GTF2H1: variants seen among roughly 807,000 people sequenced by gnomAD.
GTF2H1 encodes general transcription factor IIH subunit 1, also known as BTF2 p62.
A neutral mutation model predicts 71.2 loss-of-function variants in GTF2H1; 16 were observed. The observed-to-expected ratio is 0.22, with a 90% CI of 0.15 to 0.34. The LOEUF is 0.34. Among genes scored for constraint, GTF2H1 ranks in the 10% least tolerant of loss-of-function variants. The probability of loss-of-function intolerance (pLI) is 1.00; values close to 1 mark genes in which losing one functional copy is unlikely to be tolerated. For synonymous variants in GTF2H1, 215 were observed against 219.0 expected (o/e 0.98, Z 0.16); for missense variants, 498 against 648.2 (o/e 0.77, Z 2.52).
At chr11:18,338,424 A>G (rs1419020844) in intron 4 of GTF2H1, 150 bp downstream of exon 4, 3 of 592,754 alleles carry the variant, frequency 5.1e-6, no homozygotes, top group Non-Finnish European at 8.9e-6. Flanking sequence ...CTATTATTGA[A>G]CTATTATTAT....
At chr11:18,333,369 A>C in intron 2 of GTF2H1, 141 bp downstream of exon 2, 1 of 598,478 alleles carries the variant, frequency 1.7e-6, no homozygotes, top group Non-Finnish European at 2.8e-6. Flanking sequence ...CTGAATATAT[A>C]CTGTTTTATA....
At chr11:18,339,391 C>T (rs1309518976) in intron 4 of GTF2H1, among the ~76,000 whole-genome samples, 173 bp from the exon 5 acceptor site, 1 of 152,176 alleles carries the variant, frequency 6.6e-6, no homozygotes, top group Non-Finnish European at 1.5e-5. Flanking sequence ...CGTGAGAAAC[C>T]AGTCAGGCTT....
chr11:18,363,168 T>C lies in GTF2H1; in HGVS notation c.1560+2461T>C. Among the ~76,000 whole-genome samples the C allele has an allele frequency of 1.3e-5, 2 of 152,098 alleles. 1 individual carries two copies. ...CATCTCCTGTGAAACAATACCTTCTTCTGGAATACCTCCTGAAGGACCTGC... is the reference window on the plus strand; with the variant it reads ...CATCTCCTGTGAAACAATACCTTCTCCTGGAATACCTCCTGAAGGACCTGC... On this transcript the variant is annotated intron_variant, in intron 14 of 14. Transcript: ENST00000265963.
chr11:18,342,877 A>C (rs912552250), intron 7 of GTF2H1, among the ~76,000 whole-genome samples: 1 of 152,096 alleles, frequency 6.6e-6, no homozygotes, highest in East Asian at 1.9e-4. Context: ...TTAGATTCTG[A>C]TATCTTCTAA....
At chr11:18,357,651 C>T (rs1299095451) in intron 11 of GTF2H1, among the ~76,000 whole-genome samples, 1 of 152,108 alleles carries the variant, frequency 6.6e-6, no homozygotes, top group African/African-American at 2.4e-5. Flanking sequence ...GGTAAGAGTT[C>T]TCATATTAAA....
At chr11:18,327,104 T>C (rs1864785571) in intron 1 of GTF2H1, among the ~76,000 whole-genome samples, 1 of 152,150 alleles carries the variant, frequency 6.6e-6, no homozygotes, top group African/African-American at 2.4e-5. Context: ...TTGTAAAGAA[T>C]ACTAGAAAAT....
chr11:18,366,698 G>A lies in GTF2H1; in HGVS notation c.*829G>A, dbSNP rs564361022. 2 of 152,422 alleles carry A rather than the reference G, an allele frequency of 1.3e-5. No individual in the cohort carries two copies. The highest frequency in any genetic ancestry group is 6.6e-5 in the Admixed American group (1 of 15,212). The allele number at this position is 152,422 out of a possible 1,614,324, so 9.4% of individuals were successfully genotyped here. On this transcript the variant is annotated 3_prime_UTR_variant, in exon 15 of 15. Transcript: ENST00000265963. ...ACATTGCTAAGATTTTTTTAAGATG[G>A]CATGTGCTTTGAAAAGAAGATATTG...
chr11:18,344,397 T>G (rs2133971374), intron 7 of GTF2H1, among the ~76,000 whole-genome samples: 1 of 152,106 alleles, frequency 6.6e-6, no homozygotes, highest in East Asian at 1.9e-4. Flanking sequence ...GGTGGGTGGA[T>G]CACCTGAGGT....
At chr11:18,324,871 T>C (rs1312007015) in intron 1 of GTF2H1, among the ~76,000 whole-genome samples, 1 of 152,240 alleles carries the variant, frequency 6.6e-6, no homozygotes, top group Non-Finnish European at 1.5e-5. Context: ...TCCTCCTGCC[T>C]CTTCCCTGCA....
At chr11:18,349,433 A>C (rs1865377220) in intron 9 of GTF2H1, among the ~76,000 whole-genome samples, 1 of 152,212 alleles carries the variant, frequency 6.6e-6, no homozygotes, top group African/African-American at 2.4e-5. Context: ...CTGTAGTCCC[A>C]GCACTTTGGG....
At chr11:18,335,413 G>A (rs1865002219) in intron 2 of GTF2H1, among the ~76,000 whole-genome samples, 3 of 152,170 alleles carry the variant, frequency 2.0e-5, no homozygotes, top group South Asian at 2.1e-4. Context: ...TTGATTTGGG[G>A]CAGTTTGTTT....
intron 3 of GTF2H1, among the ~76,000 whole-genome samples, chr11:18,336,269 G>A (rs1865026593): frequency 6.6e-6 from 1 of 152,040 alleles, no homozygotes; most frequent in Admixed American, 6.5e-5. Flanking sequence ...TGGGACTACA[G>A]GCATGTGCCA....
rs4150543 is a variant in GTF2H1 at position 18,324,705 on chromosome 11, C to T, written c.-16+1965C>T. Among the ~76,000 whole-genome samples the T allele has an allele frequency of 8.6e-3, 1,305 of 152,212 alleles. 23 individuals carry two copies. The highest frequency in any genetic ancestry group is 0.029 in the African/African-American group (1,186 of 41,460). On this transcript the variant is annotated intron_variant, in intron 1 of 14. Transcript: ENST00000265963. ...TTTCTCTTTCCTGCCTTCAGTGTGG[C>T]AGTATCAGCCATTGACCTAGTAGTT... is the stretch of plus-strand genomic sequence containing the variant.
In GTF2H1 at chr11:18,352,037, T is replaced by C. The variant is rs867268072; in HGVS notation, c.1142+68T>C. 2.2e-5 allele frequency: 18 copies of C among 808,594 alleles called. No individual in the cohort carries two copies. The Middle Eastern group carries it at 1.2e-3, about 52-fold the overall frequency. 50.1% of individuals were successfully genotyped at this position (808,594 alleles called of 1,614,324 possible). A position where few individuals can be genotyped will look rare whatever the true frequency, so the allele number is the denominator to read the frequency against. On this transcript the variant is annotated intron_variant, in intron 10 of 14. Coordinates refer to ENST00000265963, the MANE Select transcript of GTF2H1 (RefSeq NM_005316.4). Reference sequence around the variant, plus strand: ...CAGTCCAAAATATATCCTACAAGTATAGCACTCATGTTTTAATCAGTTCGT... The same window carrying C: ...CAGTCCAAAATATATCCTACAAGTACAGCACTCATGTTTTAATCAGTTCGT...
At chr11:18,359,104 A>G (rs865980257) in intron 13 of GTF2H1, among the ~76,000 whole-genome samples, 22 of 152,350 alleles carry the variant, frequency 1.4e-4, no homozygotes, top group African/African-American at 5.3e-4. Context: ...TTCATAAACT[A>G]TGATTAAGTA....
Position 18,330,271 on chromosome 11 carries a change from G to A in GTF2H1, c.-15-2789G>A, listed in dbSNP as rs550605052. 7.9e-5 allele frequency among the ~76,000 whole-genome samples: 12 copies of A among 152,278 alleles called. 1 individual carries two copies. The highest frequency in any genetic ancestry group is 6.2e-4 in the South Asian group (3 of 4,830). Reference sequence around the variant, plus strand: ...TGTGTCCCTTTTGGGACTTCATGTCGTGGGTAGCAACTGTCTGAAGCTGGT... The same window carrying A: ...TGTGTCCCTTTTGGGACTTCATGTCATGGGTAGCAACTGTCTGAAGCTGGT... On this transcript the variant is annotated intron_variant, in intron 1 of 14. Transcript: ENST00000265963.
At chr11:18,362,808 T>A (rs1252089133) in intron 14 of GTF2H1, among the ~76,000 whole-genome samples, 1 of 151,262 alleles carries the variant, frequency 6.6e-6, no homozygotes, top group Admixed American at 6.6e-5. Flanking sequence ...GTAGCTGGGA[T>A]TACAGGCACC....
chr11:18,339,507 C>G, intron 4 of GTF2H1, 57 bp from the exon 5 acceptor site: 1 of 1,206,004 alleles, frequency 8.3e-7, no homozygotes, highest in South Asian at 1.3e-5. Context: ...TCCACTGGGA[C>G]CTGAGCCATC....
intron 7 of GTF2H1, among the ~76,000 whole-genome samples, chr11:18,346,733 C>CTTTTTTTTTTTTTTTTTTTTTT (rs35494754): frequency 1.2e-5 from 1 of 85,216 alleles, no homozygotes; most frequent in African/African-American, 4.9e-5. Flanking sequence ...TTTTTATTTA[C>CTTTTTTTTTTTTTTTTTTTTTT]TTTTTTTTTT....
Sources: allele counts gnomAD v4.1 joint callset (sites outside exome capture counted in the v4.1 genomes callset), GRCh38; gene constraint gnomAD v4.1.1; transcripts MANE v1.5; gene names NCBI Gene and HGNC (gene_info 2026-07-23, HGNC 2026-07-21).